NRDE2: variants seen among roughly 807,000 people sequenced by gnomAD.
NRDE2 encodes NRDE-2, necessary for RNA interference, domain containing.
In NRDE2, 76 loss-of-function variants were observed where a neutral mutation model predicts 124.2. The ratio of observed to expected loss-of-function variants is 0.61; its 90% CI spans 0.51 to 0.74. The LOEUF (loss-of-function observed/expected upper bound fraction) is 0.74, where lower values mean the gene tolerates loss of function less well. NRDE2 is among the 30% of genes least tolerant of loss of function. NRDE2 has a pLI of 0.00. For missense variants in NRDE2, 1,314 were observed against 1,417.3 expected (o/e 0.93, Z 1.17); for synonymous variants, 489 against 528.1 (o/e 0.93, Z 1.01).
intron 1 of NRDE2, among the ~76,000 whole-genome samples, chr14:90,321,869 A>G (rs1202831919): frequency 2.0e-5 from 3 of 152,160 alleles, no homozygotes; most frequent in Admixed American, 6.5e-5. Flanking sequence ...GAAGTCCAAC[A>G]TGAAGAACAG....
At chr14:90,318,958 A>G (rs1053307490) in intron 1 of NRDE2, among the ~76,000 whole-genome samples, 1 of 152,202 alleles carries the variant, frequency 6.6e-6, no homozygotes, top group Non-Finnish European at 1.5e-5. Flanking sequence ...TCTTCTTTGG[A>G]AATAAAAACC....
intron 1 of NRDE2, among the ~76,000 whole-genome samples, chr14:90,329,288 CCAGA>C (rs1222754639): frequency 3.9e-5 from 6 of 152,220 alleles, no homozygotes; most frequent in Non-Finnish European, 1.5e-5. Context: ...CACTACACCT[CCAGA>C]CAAACTAGAT....
At chr14:90,290,744 T>G in intron 9 of NRDE2, 137 bp from the exon 10 acceptor site, 1 of 1,109,422 alleles carries the variant, frequency 9.0e-7, no homozygotes. Context: ...GGAGCTAAGC[T>G]CTCTGTTAGC....
At position 90,290,528 on chromosome 14, in the gene NRDE2, A is replaced by G. The variant is rs1892246548; in HGVS notation, c.1922T>C (p.Leu641Pro). ...DLQFQLVEAF[L>P]QFLGVPSGFT... ...GCCAGAAGGCACACCCAAGAACTGC[A>G]GGAAGGCCTCCACCAGCTGGAACTG... The change falls in exon 10 of 14, where the codon CTG (leucine) becomes CCG (proline). Residue 641 changes from leucine (L) to proline (P), a missense_variant. Coordinates refer to ENST00000354366, the MANE Select transcript of NRDE2 (RefSeq NM_017970.4). 6.2e-7 allele frequency: 1 copy of G among 1,612,404 alleles called. No homozygotes were observed. Among genetic ancestry groups the G allele is most frequent in the African/African-American group, 1.3e-5 (1 of 74,790 alleles).
At chr14:90,302,215 G>A (rs766203749) in intron 6 of NRDE2, among the ~76,000 whole-genome samples, 24 of 152,268 alleles carry the variant, frequency 1.6e-4, no homozygotes, top group Non-Finnish European at 3.5e-4. Context: ...GGTCAAAAGT[G>A]ATACTCTCTG....
intron 1 of NRDE2, among the ~76,000 whole-genome samples, chr14:90,321,691 C>T (rs1885250221): frequency 6.6e-6 from 1 of 152,080 alleles, no homozygotes; most frequent in Non-Finnish European, 1.5e-5. Flanking sequence ...TGACAAGAAG[C>T]TCTGTTTTGC....
chr14:90,281,617 C>A (rs546746554), intron 12 of NRDE2: 1 of 152,356 alleles, frequency 6.6e-6, no homozygotes, highest in African/African-American at 2.4e-5. Context: ...ACCTTCTTAG[C>A]AGACGTGTGC....
rs1470018757 is a variant in NRDE2 at position 90,331,923 on chromosome 14, C to G, written c.-19G>C. The G allele has an allele frequency of 6.2e-7, 1 of 1,613,884 alleles. No homozygotes were observed. The highest frequency in any genetic ancestry group is 8.5e-7 in the Non-Finnish European group (1 of 1,180,024). ...GCGCCATGACCACAGGCCGTACCTC[C>G]GTTCTTCTCTATAGGGATGGCGCCG... On this transcript the variant is annotated 5_prime_UTR_variant, in exon 1 of 14. Coordinates refer to ENST00000354366, the MANE Select transcript of NRDE2 (RefSeq NM_017970.4).
Position 90,270,446 on chromosome 14 carries a change from C to G in NRDE2, c.*7890G>C. 1 of 1,361,276 alleles carries G rather than the reference C, an allele frequency of 7.3e-7. No individual in the cohort carries two copies. The highest frequency in any genetic ancestry group is 2.5e-5 in the East Asian group (1 of 40,302). 84.3% of individuals were successfully genotyped at this position (1,361,276 alleles called of 1,614,324 possible). On this transcript the variant is annotated 3_prime_UTR_variant, in exon 14 of 14. Transcript: ENST00000354366. ...CTCTTGGGATGGTGGTTGGCCTGGA[C>G]AGGTGGGTGTCTGTATTTTAATCAT...
intron 11 of NRDE2, 54 bp downstream of exon 11, chr14:90,288,163 G>T: frequency 2.0e-6 from 3 of 1,528,102 alleles, no homozygotes; most frequent in Non-Finnish European, 1.8e-6. Flanking sequence ...GGGCAACACA[G>T]CAAGCATTCC....
chr14:90,303,561 G>A (rs927774478), intron 5 of NRDE2, among the ~76,000 whole-genome samples: 4 of 152,124 alleles, frequency 2.6e-5, no homozygotes, highest in African/African-American at 4.8e-5. Context: ...TCACAATTCC[G>A]TGAGCTCTGC....
In NRDE2 at chr14:90,298,330, C is replaced by A. The variant is rs1408803320; in HGVS notation, c.1596G>T (p.Glu532Asp). Residue 532 changes from glutamate to aspartate, a missense_variant, in exon 8 of 14, where the codon GAG becomes GAT. Coordinates refer to ENST00000354366, the MANE Select transcript of NRDE2 (RefSeq NM_017970.4). Reference sequence around the variant, plus strand: ...ACGCCTTCCAGCCTCGGGCTCCCTTCTCCCCAGCCCGGGGCTCTCCACTGT... The same window carrying A: ...ACGCCTTCCAGCCTCGGGCTCCCTTATCCCCAGCCCGGGGCTCTCCACTGT... ...FWDSGEPRAGEKGARGWKAWM... is the reference protein window; with the variant it reads ...FWDSGEPRAGDKGARGWKAWM... The A allele has an allele frequency of 6.2e-7, 1 of 1,613,756 alleles. No individual in the cohort carries two copies. The highest frequency in any genetic ancestry group is 8.5e-7 in the Non-Finnish European group (1 of 1,179,970).
chr14:90,331,514 T>G (rs191719076), intron 1 of NRDE2, among the ~76,000 whole-genome samples: 4 of 152,222 alleles, frequency 2.6e-5, no homozygotes, highest in Non-Finnish European at 2.9e-5. Context: ...CCTCGAGATG[T>G]CGAGTATCAT....
At chr14:90,296,309 C>T (rs141747188) in intron 8 of NRDE2, among the ~76,000 whole-genome samples, 1 of 152,320 alleles carries the variant, frequency 6.6e-6, no homozygotes, top group African/African-American at 2.4e-5. Flanking sequence ...AGTGCAATAC[C>T]TACTTCCGTT....
intron 2 of NRDE2, among the ~76,000 whole-genome samples, chr14:90,317,254 A>T (rs1329629460): frequency 1.3e-5 from 2 of 151,884 alleles, no homozygotes; most frequent in African/African-American, 4.9e-5. Context: ...TCTTTATTTT[A>T]AAAATAATAA....
chr14:90,269,678 A>T lies in NRDE2; in HGVS notation c.*8658T>A. ...GCAGTGAAACTTAGGATAATTTACA[A>T]AAAAATAGGTCCTCTTGAGATGAGG... is the stretch of plus-strand genomic sequence containing the variant. On this transcript the variant is annotated 3_prime_UTR_variant, in exon 14 of 14. Coordinates refer to ENST00000354366, the MANE Select transcript of NRDE2 (RefSeq NM_017970.4). 9.9e-7 allele frequency: 1 copy of T among 1,010,504 alleles called. No homozygotes were observed. The highest frequency in any genetic ancestry group is 1.4e-6 in the Non-Finnish European group (1 of 692,446). 62.6% of individuals were successfully genotyped at this position (1,010,504 alleles called of 1,614,324 possible).
In NRDE2 at chr14:90,269,431, C is replaced by T; in HGVS notation, c.*8905G>A. 6.2e-7 allele frequency: 1 copy of T among 1,607,652 alleles called. No homozygotes were observed. Among genetic ancestry groups the T allele is most frequent in the Middle Eastern group, 2.0e-4 (1 of 5,022 alleles). On this transcript the variant is annotated 3_prime_UTR_variant, in exon 14 of 14. Coordinates refer to ENST00000354366, the MANE Select transcript of NRDE2 (RefSeq NM_017970.4). ...CAATTCTGGTGGTGAGAGAGAAATTCAGCGAACAATGTTGGAACTGCTGAA... is the reference window on the plus strand; with the variant it reads ...CAATTCTGGTGGTGAGAGAGAAATTTAGCGAACAATGTTGGAACTGCTGAA...
chr14:90,298,704 G>C (rs1304816949), intron 7 of NRDE2, among the ~76,000 whole-genome samples: 5 of 152,122 alleles, frequency 3.3e-5, no homozygotes, highest in African/African-American at 9.7e-5. Flanking sequence ...GTTACAAAAA[G>C]ACCAGCTGAG....
intron 1 of NRDE2, among the ~76,000 whole-genome samples, chr14:90,322,104 G>A (rs1421714241): frequency 6.6e-6 from 1 of 152,124 alleles, no homozygotes; most frequent in Non-Finnish European, 1.5e-5. Flanking sequence ...AAGGAGGCTG[G>A]TTCTCCTAAA....
Sources: gnomAD v4.1 joint callset for allele counts (sites outside exome capture counted in the v4.1 genomes callset) on GRCh38, gnomAD v4.1.1 for gene constraint, MANE v1.5 for transcripts, NCBI Gene and HGNC (gene_info 2026-07-23, HGNC 2026-07-21) for gene names.